Variants in TBC1D5 observed in about 807,000 individuals in gnomAD.
TBC1D5 encodes the protein TBC1 domain family, member 5.
Under a neutral mutation model 100.3 loss-of-function variants are expected in TBC1D5, and 75 were observed. That is an observed-to-expected ratio of 0.75 (90% CI 0.62 to 0.91). The LOEUF (loss-of-function observed/expected upper bound fraction) is 0.91, where lower values mean the gene tolerates loss of function less well. TBC1D5 is among the 40% of genes least tolerant of loss of function. The probability of loss-of-function intolerance (pLI) is 0.00; values close to 1 mark genes in which losing one functional copy is unlikely to be tolerated. For missense variants in TBC1D5, 910 were observed against 942.4 expected (o/e 0.97, Z 0.45); for synonymous variants, 323 against 325.6 (o/e 0.99, Z 0.09).
rs1163181447 is a variant in TBC1D5, at chr3:17,357,061, T to TA, written c.995+15013dup. 6.6e-5 allele frequency among the ~76,000 whole-genome samples: 10 copies of TA among 152,224 alleles called. 1 individual carries two copies. In the South Asian group the frequency reaches 1.9e-3, roughly 28 times the overall value. On this transcript the variant is annotated intron_variant, in intron 13 of 21. Coordinates refer to ENST00000253692, the Ensembl canonical transcript of TBC1D5. ...GATTTAAATGCATGGCTACCAAACTTAAAAAAACTCTTCCCATGTTTTATT... is the reference window on the plus strand; with the variant it reads ...GATTTAAATGCATGGCTACCAAACTTAAAAAAAACTCTTCCCATGTTTTATT...
chr3:17,742,136 A>C (rs1227546972), upstream of TBC1D5, among the ~76,000 whole-genome samples: 2 of 152,190 alleles, frequency 1.3e-5, no homozygotes, highest in Admixed American at 1.3e-4. Context: ...GAAAGCAGGC[A>C]GACTGCAAGC....
chr3:17,173,019 C>T (rs1282456702), intron 19 of TBC1D5, among the ~76,000 whole-genome samples: 1 of 152,146 alleles, frequency 6.6e-6, no homozygotes, highest in Non-Finnish European at 1.5e-5. Flanking sequence ...AGGGAGACAG[C>T]ACAGATCAAG....
chr3:17,350,213 C>A (rs2090395368), intron 13 of TBC1D5, among the ~76,000 whole-genome samples: 1 of 151,786 alleles, frequency 6.6e-6, no homozygotes, highest in South Asian at 2.1e-4. Flanking sequence ...CACTATCCCA[C>A]AAACTACTCC....
intron 12 of TBC1D5, 93 bp from the exon 13 acceptor site, chr3:17,372,340 G>T (rs1313211386): frequency 8.4e-6 from 10 of 1,197,006 alleles, no homozygotes; most frequent in Non-Finnish European, 1.1e-5. Context: ...TAAACAAGAA[G>T]TCTTATTATC....
intron 3 of TBC1D5, among the ~76,000 whole-genome samples, chr3:17,433,487 C>T (rs778250689): frequency 4.6e-5 from 7 of 151,656 alleles, no homozygotes; most frequent in Non-Finnish European, 1.0e-4. Flanking sequence ...CTTATAAAAC[C>T]ATCAGATCTC....
intron 3 of TBC1D5, among the ~76,000 whole-genome samples, chr3:17,443,519 G>C (rs995443367): frequency 6.6e-6 from 1 of 152,116 alleles, no homozygotes; most frequent in African/African-American, 2.4e-5. Context: ...AATCCTGCTT[G>C]TAACAAAGGC....
At chr3:17,577,368 A>T (rs1272918521) in intron 2 of TBC1D5, among the ~76,000 whole-genome samples, 1 of 152,018 alleles carries the variant, frequency 6.6e-6, no homozygotes, top group African/African-American at 2.4e-5. Context: ...TTTGAAACAG[A>T]TATAATTAAA....
At chr3:17,440,020 G>A (rs756082267) in intron 3 of TBC1D5, among the ~76,000 whole-genome samples, 5 of 152,138 alleles carry the variant, frequency 3.3e-5, no homozygotes, top group Admixed American at 1.3e-4. Context: ...TCTTTCAGCA[G>A]TCACATGTTG....
At chr3:17,301,598 G>A (rs1460153751) in intron 14 of TBC1D5, among the ~76,000 whole-genome samples, 1 of 152,184 alleles carries the variant, frequency 6.6e-6, no homozygotes, top group Non-Finnish European at 1.5e-5. Flanking sequence ...TCTAGTTGAG[G>A]AGATAGGACC....
chr3:17,535,362 T>C (rs931814057), intron 2 of TBC1D5, among the ~76,000 whole-genome samples: 13 of 152,196 alleles, frequency 8.5e-5, no homozygotes, highest in African/African-American at 2.9e-4. Flanking sequence ...AATGTGCTTT[T>C]ATGGCCCTGG....
At chr3:17,640,747 C>T (rs886246973) in intron 1 of TBC1D5, among the ~76,000 whole-genome samples, 2 of 151,814 alleles carry the variant, frequency 1.3e-5, no homozygotes, top group African/African-American at 4.8e-5. Context: ...AAATGCAATG[C>T]CCTTTTGTCA....
intron 1 of TBC1D5, among the ~76,000 whole-genome samples, chr3:17,704,599 G>T (rs1379397582): frequency 5.0e-5 from 4 of 79,576 alleles, no homozygotes; most frequent in Non-Finnish European, 1.0e-4. Flanking sequence ...CCGGGCGGGG[G>T]GCCGACACCC....
intron 3 of TBC1D5, among the ~76,000 whole-genome samples, chr3:17,507,470 A>T (rs2095856299): frequency 6.6e-6 from 1 of 152,192 alleles, no homozygotes; most frequent in Non-Finnish European, 1.5e-5. Flanking sequence ...AAGCATAAAA[A>T]TTCTGCATAA....
chr3:17,474,626 T>A (rs2095416859), intron 3 of TBC1D5, among the ~76,000 whole-genome samples: 1 of 152,130 alleles, frequency 6.6e-6, no homozygotes, highest in African/African-American at 2.4e-5. Flanking sequence ...TTAGACAGTT[T>A]CACATAAATA....
intron 15 of TBC1D5, among the ~76,000 whole-genome samples, chr3:17,277,251 T>C (rs2080115446): frequency 6.6e-6 from 1 of 152,212 alleles, no homozygotes; most frequent in Non-Finnish European, 1.5e-5. Context: ...AAATTCTTCA[T>C]ATTTTCTCTC....
intron 16 of TBC1D5, among the ~76,000 whole-genome samples, chr3:17,251,425 ACC>A (rs67701407): frequency 0.49 from 54,502 of 111,334 alleles, 12,612 homozygotes; most frequent in Middle Eastern, 0.66. Flanking sequence ...ACTCACGGGA[ACC>A]CCCCCCCCCC....
At chr3:17,281,913 G>C (rs929404871) in intron 15 of TBC1D5, among the ~76,000 whole-genome samples, 96 of 152,012 alleles carry the variant, frequency 6.3e-4, no homozygotes, top group African/African-American at 2.2e-3. Flanking sequence ...TCAGTTTTAA[G>C]TTTATAATCT....
intron 3 of TBC1D5, among the ~76,000 whole-genome samples, chr3:17,441,284 A>G (rs572001102): frequency 1.3e-5 from 2 of 152,358 alleles, no homozygotes; most frequent in African/African-American, 4.8e-5. Flanking sequence ...AATGAAGTGG[A>G]GGAGCAGGCG....
At chr3:17,661,314 A>T (rs1244365837) in intron 1 of TBC1D5, among the ~76,000 whole-genome samples, 2 of 152,180 alleles carry the variant, frequency 1.3e-5, no homozygotes, top group African/African-American at 4.8e-5. Context: ...GAATCTTCGA[A>T]GTATATACAG....
Sources: allele counts gnomAD v4.1 joint callset (sites outside exome capture counted in the v4.1 genomes callset), GRCh38; gene constraint gnomAD v4.1.1; transcripts MANE v1.5; gene names NCBI Gene and HGNC (gene_info 2026-07-23, HGNC 2026-07-21).